USP38: variants seen among roughly 807,000 people sequenced by gnomAD.
USP38 encodes ubiquitin carboxyl-terminal hydrolase 38.
USP38 carries 49 observed loss-of-function variants against 94.3 expected under a neutral mutation model. The ratio of observed to expected loss-of-function variants is 0.52; its 90% CI spans 0.41 to 0.66. USP38 has a LOEUF of 0.66. Ranked by LOEUF, USP38 falls within the 30% of genes least tolerant of loss-of-function variation. The pLI, the probability that USP38 is intolerant of heterozygous loss-of-function variation, is 0.00. For missense variants in USP38, 1,128 were observed against 1,229.4 expected (o/e 0.92, Z 1.23); for synonymous variants, 468 against 463.6 (o/e 1.01, Z -0.12).
intron 7 of USP38, among the ~76,000 whole-genome samples, chr4:143,211,061 AGTAT>A (rs1394484769): frequency 6.6e-6 from 1 of 151,972 alleles, no homozygotes; most frequent in Admixed American, 6.6e-5. Context: ...CTTTATCACT[AGTAT>A]GTATTTATTA....
intron 2 of USP38, among the ~76,000 whole-genome samples, chr4:143,189,732 A>G (rs1239353977): frequency 6.6e-6 from 1 of 152,008 alleles, no homozygotes; most frequent in Non-Finnish European, 1.5e-5. Flanking sequence ...TGTACGTTTG[A>G]GAAAACTCTT....
At position 143,200,231 on chromosome 4, in the gene USP38, G is replaced by A. The variant is rs143033624; in HGVS notation, c.1050+2307G>A. Among the ~76,000 whole-genome samples, 333 of 152,190 alleles carry A rather than the reference G, an allele frequency of 2.2e-3. 1 individual carries two copies. The highest frequency in any genetic ancestry group is 7.9e-3 in the African/African-American group (328 of 41,530). On this transcript the variant is annotated intron_variant, in intron 4 of 9. Transcript: ENST00000307017. ...GTAGGCTTCATCTGTGGGATGCAAG[G>A]TTAGTTTAGCATACACAAATAAATC...
In USP38 at chr4:143,195,024, TTTG is replaced by T. The variant is rs141406119; in HGVS notation, c.819-689_819-687del. On this transcript the variant is annotated intron_variant, in intron 2 of 9. Coordinates refer to ENST00000307017, the MANE Select transcript of USP38 (RefSeq NM_032557.6). ...CTTTTTTATATATTTGAAGTTTCTT[TTTG>T]TTCTCTTTGTATAGTCGGATTTGAA... 7.5e-3 allele frequency among the ~76,000 whole-genome samples: 1,145 copies of T among 152,276 alleles called. 10 individuals are homozygous for T. Among genetic ancestry groups the T allele is most frequent in the African/African-American group, 0.026 (1,090 of 41,558 alleles).
chr4:143,220,273 T>C, intron 9 of USP38, 22 bp from the exon 10 acceptor site: 1 of 1,596,908 alleles, frequency 6.3e-7, no homozygotes, highest in Non-Finnish European at 8.5e-7. Context: ...TTTAATTTCA[T>C]AAAAGTTATT....
At chr4:143,201,099 G>T (rs1731702861) in intron 4 of USP38, among the ~76,000 whole-genome samples, 1 of 152,132 alleles carries the variant, frequency 6.6e-6, no homozygotes, top group South Asian at 2.1e-4. Flanking sequence ...AACAAAGCTG[G>T]AGCCATCACA....
intron 6 of USP38, among the ~76,000 whole-genome samples, chr4:143,206,455 C>T (rs1270212825): frequency 6.6e-6 from 1 of 152,026 alleles, no homozygotes; most frequent in Non-Finnish European, 1.5e-5. Flanking sequence ...TTTGGGAGGC[C>T]AAGACGGGTG....
At chr4:143,195,948 T>C in intron 3 of USP38, 103 bp downstream of exon 3, 1 of 1,122,212 alleles carries the variant, frequency 8.9e-7, no homozygotes, top group Non-Finnish European at 1.2e-6. Flanking sequence ...GAATATGTTA[T>C]TGTTGTTTTG....
chr4:143,195,696 T>G lies in USP38; in HGVS notation c.819-20T>G. On this transcript the variant is annotated intron_variant, in intron 2 of 9. Coordinates refer to ENST00000307017, the MANE Select transcript of USP38 (RefSeq NM_032557.6). The stretch of plus-strand genomic sequence containing the variant: ...GAAAATATTTTCAATAATGATTGTT[T>G]CATTTTCCTTCAATTTCAGAATGAT... The G allele has an allele frequency of 6.4e-7, 1 of 1,571,978 alleles. No homozygotes were observed. Among genetic ancestry groups the G allele is most frequent in the Non-Finnish European group, 8.6e-7 (1 of 1,159,874 alleles).
intron 2 of USP38, 145 bp from the exon 3 acceptor site, chr4:143,195,571 T>C (rs1011939386): frequency 1.4e-6 from 1 of 732,900 alleles, no homozygotes; most frequent in Non-Finnish European, 2.0e-6. Context: ...TTACATTCAC[T>C]TCTACATCTT....
At position 143,185,090 on chromosome 4, in the gene USP38, C is replaced by G. The variant is rs1731166122; in HGVS notation, c.-361C>G. ...CTCGGAGGCGTGCTTCCTCCACCCG[C>G]CGGCTAGCAGCCCCGGGCCCTGAGC... On this transcript the variant is annotated 5_prime_UTR_variant, in exon 1 of 10. Coordinates refer to ENST00000307017, the MANE Select transcript of USP38 (RefSeq NM_032557.6). The G allele has an allele frequency of 5.2e-6, 1 of 192,300 alleles. No individual in the cohort carries two copies. Among genetic ancestry groups the G allele is most frequent in the South Asian group, 1.2e-4 (1 of 8,142 alleles). 11.9% of individuals were successfully genotyped at this position (192,300 alleles called of 1,614,324 possible).
At chr4:143,192,667 GC>G (rs1365246476) in intron 2 of USP38, among the ~76,000 whole-genome samples, 5 of 151,226 alleles carry the variant, frequency 3.3e-5, no homozygotes, top group Non-Finnish European at 5.9e-5. Flanking sequence ...GAGCAGGGGT[GC>G]CCCCTTCAGC....
At position 143,214,477 on chromosome 4, in the gene USP38, G is replaced by A. The variant is rs1395077762; in HGVS notation, c.2501G>A (p.Cys834Tyr). The change falls in exon 9 of 10, where the codon TGC becomes TAC. Residue 834 changes from cysteine to tyrosine, a missense_variant. By Grantham distance (194) the Cys-to-Tyr change is radical. Coordinates refer to ENST00000307017, the MANE Select transcript of USP38 (RefSeq NM_032557.6). Reference protein sequence around the residue: ...LKPSGTDEASCTKLVPYLLSS... With the variant: ...LKPSGTDEASYTKLVPYLLSS... ...CCTTCAGGGACTGATGAAGCTTCCT[G>A]CACAAAATTGGTGCCCTATCTATTA... The A allele has an allele frequency of 6.2e-7, 1 of 1,613,398 alleles. No individual in the cohort carries two copies.
intron 4 of USP38, among the ~76,000 whole-genome samples, chr4:143,198,656 A>G (rs1404760032): frequency 6.6e-6 from 1 of 152,194 alleles, no homozygotes; most frequent in Non-Finnish European, 1.5e-5. Flanking sequence ...GTTTTTATTT[A>G]TCTAGAATAT....
rs1308471139 is a variant in USP38, at chr4:143,185,083, C to G, written c.-368C>G. 1 of 191,402 alleles carries G rather than the reference C, an allele frequency of 5.2e-6. No homozygotes were observed. Among genetic ancestry groups the G allele is most frequent in the East Asian group, 1.6e-4 (1 of 6,298 alleles). The allele number at this position is 191,402 out of a possible 1,614,324, so 11.9% of individuals were successfully genotyped here. ...CCCGGAACTCGGAGGCGTGCTTCCT[C>G]CACCCGCCGGCTAGCAGCCCCGGGC... On this transcript the variant is annotated 5_prime_UTR_variant, in exon 1 of 10. Transcript: ENST00000307017.
rs762753709 is a variant in USP38 at position 143,186,028 on chromosome 4, C to T, written c.578C>T (p.Ser193Phe). Residue 193 changes from serine to phenylalanine, a missense_variant, in exon 1 of 10, where the codon TCC becomes TTC. Ser to Phe is a radical substitution (Grantham distance 155, BLOSUM62 -2). Transcript: ENST00000307017. ...GAAAGAGAGCTGCGGGAATATGTCT[C>T]CCAGGTGACAAAAGTGAGTAACTTG... Reference protein sequence around the residue: ...TQERELREYVSQVTKVSNLLQ... With the variant: ...TQERELREYVFQVTKVSNLLQ... 2 of 1,614,206 alleles carry T rather than the reference C, an allele frequency of 1.2e-6. No homozygotes were observed. Among genetic ancestry groups the T allele is most frequent in the East Asian group, 2.2e-5 (1 of 44,884 alleles).
In USP38 at chr4:143,185,744, G is replaced by C. The variant is rs752647652; in HGVS notation, c.294G>C (p.Arg98Ser). 1.9e-6 allele frequency: 3 copies of C among 1,614,144 alleles called. No individual in the cohort carries two copies. In the East Asian group the frequency reaches 6.7e-5, roughly 36 times the overall value. ...LLHQGYHSLD[R>S]KDVAILDYIH... ...ATCAGGGCTACCACTCTCTGGACAG[G>C]AAGGATGTAGCCATCCTGGACTACA... Residue 98 changes from arginine (R) to serine (S), a missense_variant, in exon 1 of 10, where the codon AGG becomes AGC. Coordinates refer to ENST00000307017, the MANE Select transcript of USP38 (RefSeq NM_032557.6).
chr4:143,215,686 T>C (rs1261855170), intron 9 of USP38: 3 of 152,218 alleles, frequency 2.0e-5, no homozygotes, highest in Admixed American at 2.0e-4. Flanking sequence ...CTAAGTGATT[T>C]TGAGTTTGAA....
rs187867378 is a variant in USP38, at chr4:143,215,066, T to C, written c.2967+123T>C. 6.7e-5 allele frequency: 65 copies of C among 968,874 alleles called. 1 individual carries two copies. In the African/African-American group the frequency reaches 8.8e-4, roughly 13 times the overall value. The allele number at this position is 968,874 out of a possible 1,614,324, so 60.0% of individuals were successfully genotyped here. ...AAATTCTGAAATATAGGTCTGGATT[T>C]ACATGAAGTATTCTCAACCTGTATA... is the stretch of plus-strand genomic sequence containing the variant. On this transcript the variant is annotated intron_variant, in intron 9 of 9. Coordinates refer to ENST00000307017, the MANE Select transcript of USP38 (RefSeq NM_032557.6).
intron 6 of USP38, among the ~76,000 whole-genome samples, chr4:143,207,634 G>A (rs1464941596): frequency 1.3e-5 from 2 of 149,454 alleles, no homozygotes; most frequent in Admixed American, 1.4e-4. Context: ...GTTTCATTTA[G>A]CATTTAATTT....
Sources: allele counts gnomAD v4.1 joint callset (sites outside exome capture counted in the v4.1 genomes callset), GRCh38; gene constraint gnomAD v4.1.1; transcripts MANE v1.5; gene names NCBI Gene and HGNC (gene_info 2026-07-23, HGNC 2026-07-21).